The following BICDL1 variants were observed in gnomAD, a reference collection of about 807,000 sequenced individuals.
The protein encoded by BICDL1 is BICD family like cargo adaptor 1.
BICDL1 carries 20 observed loss-of-function variants against 76.8 expected under a neutral mutation model. That is an observed-to-expected ratio of 0.26 (90% CI 0.18 to 0.38). The LOEUF (loss-of-function observed/expected upper bound fraction) is 0.38, where lower values mean the gene tolerates loss of function less well. Among genes scored for constraint, BICDL1 ranks in the 10% least tolerant of loss-of-function variants. BICDL1 has a pLI of 1.00. For synonymous variants in BICDL1, 383 were observed against 337.1 expected (o/e 1.14, Z -1.49); for missense variants, 700 against 798.6 (o/e 0.88, Z 1.49).
At chr12:120,092,708 G>A (rs1379712066) in intron 9 of BICDL1, 1 of 985,324 alleles carries the variant, frequency 1.0e-6, no homozygotes, top group African/African-American at 1.7e-5. Flanking sequence ...GGAGACTGCA[G>A]GGAGAGACCA....
rs146143605 is a variant in BICDL1, at chr12:120,033,974, A to G, written c.646-27736A>G. ...TCCATATTGACAAGAAAAGTAATCT[A>G]TGGAGTGTTCAGGCATTGGCTTTTG... On this transcript the variant is annotated intron_variant, in intron 2 of 9. Coordinates refer to ENST00000548673, the MANE Select transcript of BICDL1 (RefSeq NM_001367886.1). Among the ~76,000 whole-genome samples the G allele has an allele frequency of 3.6e-3, 549 of 152,306 alleles. 2 individuals carry two copies. The highest frequency in any genetic ancestry group is 0.013 in the African/African-American group (520 of 41,560).
At chr12:120,080,698 T>G in intron 7 of BICDL1, 189 bp from the exon 8 acceptor site, 1 of 489,834 alleles carries the variant, frequency 2.0e-6, no homozygotes, top group Non-Finnish European at 3.6e-6. Context: ...AAGCCTAGCA[T>G]GTGATGTGGT....
At chr12:120,089,803 A>T in intron 8 of BICDL1, 148 bp from the exon 9 acceptor site, 2 of 907,540 alleles carry the variant, frequency 2.2e-6, no homozygotes, top group East Asian at 2.5e-5. Context: ...TCTGCAGGCA[A>T]CATCATAGTT....
At chr12:120,056,150 G>A (rs1422569982) in intron 2 of BICDL1, among the ~76,000 whole-genome samples, 2 of 152,268 alleles carry the variant, frequency 1.3e-5, no homozygotes, top group East Asian at 3.9e-4. Context: ...ACTAATACTA[G>A]GAGTAAGTAG....
intron 2 of BICDL1, among the ~76,000 whole-genome samples, chr12:120,003,072 C>G (rs551527491): frequency 6.6e-6 from 1 of 151,250 alleles, no homozygotes; most frequent in Non-Finnish European, 1.5e-5. Context: ...GCAGGAGAAT[C>G]GCTGGAACCT....
intron 2 of BICDL1, among the ~76,000 whole-genome samples, chr12:119,999,125 C>G (rs1425556961): frequency 2.0e-5 from 3 of 148,394 alleles, no homozygotes; most frequent in Non-Finnish European, 4.4e-5. Flanking sequence ...ATATAGATGA[C>G]AAGAGCAATT....
chr12:120,016,510 G>A lies in BICDL1; in HGVS notation c.645+17774G>A, dbSNP rs897111395. On this transcript the variant is annotated intron_variant, in intron 2 of 9. Transcript: ENST00000548673. ...GCTGGAGTACAGTGGCGTGATCATG[G>A]CTCACTACTCTGGTGATTCTCCCAC... Among the ~76,000 whole-genome samples, 6 of 148,284 alleles carry A rather than the reference G, an allele frequency of 4.0e-5. No homozygotes were observed. The South Asian group carries it at 8.6e-4, about 21-fold the overall frequency.
At chr12:120,059,843 G>T (rs1953065553) in intron 2 of BICDL1, among the ~76,000 whole-genome samples, 1 of 151,784 alleles carries the variant, frequency 6.6e-6, no homozygotes, top group African/African-American at 2.4e-5. Context: ...CTCCCAAGTA[G>T]CTGGGACTGC....
intron 1 of BICDL1, 44 bp downstream of exon 1, chr12:119,990,341 C>T (rs1282641620): frequency 6.5e-7 from 1 of 1,542,760 alleles, no homozygotes; most frequent in Non-Finnish European, 8.7e-7. Context: ...AGGGGCCGCC[C>T]AGGCACGCGC....
At chr12:120,046,470 C>A (rs994464456) in intron 2 of BICDL1, among the ~76,000 whole-genome samples, 1 of 152,218 alleles carries the variant, frequency 6.6e-6, no homozygotes, top group African/African-American at 2.4e-5. Flanking sequence ...GTTCCAAACA[C>A]TTTACATATA....
intron 2 of BICDL1, among the ~76,000 whole-genome samples, chr12:120,017,654 C>T (rs1177423604): frequency 1.3e-5 from 2 of 151,860 alleles, no homozygotes; most frequent in Non-Finnish European, 2.9e-5. Flanking sequence ...ATCACTTGAG[C>T]CCAGGAGTTC....
At position 120,080,877 on chromosome 12, in the gene BICDL1, C is replaced by T. The variant is rs780900212; in HGVS notation, c.1453-10C>T. 1 of 1,612,162 alleles carries T rather than the reference C, an allele frequency of 6.2e-7. No individual in the cohort carries two copies. The highest frequency in any genetic ancestry group is 8.5e-7 in the Non-Finnish European group (1 of 1,178,960). ...CAGCAGCAGTGATACCATATTCATT[C>T]TCCTGTTAGGTGACACTGCTGAGTG... is the stretch of plus-strand genomic sequence containing the variant. On this transcript the variant is annotated splice_polypyrimidine_tract_variant and intron_variant, in intron 7 of 9. Transcript: ENST00000548673.
At chr12:120,033,025 G>T (rs902383305) in intron 2 of BICDL1, among the ~76,000 whole-genome samples, 1 of 151,762 alleles carries the variant, frequency 6.6e-6, no homozygotes, top group Non-Finnish European at 1.5e-5. Context: ...GATTACAGGC[G>T]TGAGCCACCA....
intron 2 of BICDL1, among the ~76,000 whole-genome samples, chr12:120,014,705 C>T (rs1952025349): frequency 6.7e-6 from 1 of 149,694 alleles, no homozygotes; most frequent in African/African-American, 2.4e-5. Context: ...AAAAAAAAAG[C>T]AAACCATTCT....
At chr12:120,078,218 C>G (rs1438894135) in intron 7 of BICDL1, among the ~76,000 whole-genome samples, 1 of 152,178 alleles carries the variant, frequency 6.6e-6, no homozygotes, top group African/African-American at 2.4e-5. Flanking sequence ...CACAGTTACC[C>G]TGCTCACATC....
At chr12:120,023,240 A>G (rs1419853979) in intron 2 of BICDL1, among the ~76,000 whole-genome samples, 2 of 152,232 alleles carry the variant, frequency 1.3e-5, no homozygotes, top group Non-Finnish European at 2.9e-5. Flanking sequence ...AAAGATCTCA[A>G]TGTTTTAAGA....
chr12:120,012,908 C>T (rs1186649004), intron 2 of BICDL1, among the ~76,000 whole-genome samples: 1 of 152,176 alleles, frequency 6.6e-6, no homozygotes, highest in African/African-American at 2.4e-5. Flanking sequence ...ACCAGCACCC[C>T]ACCTCCCATA....
intron 2 of BICDL1, among the ~76,000 whole-genome samples, chr12:120,046,430 A>G (rs144103563): frequency 2.6e-4 from 39 of 152,362 alleles, no homozygotes; most frequent in Admixed American, 6.5e-4. Context: ...AACAGCTAAC[A>G]CACGTACTGC....
intron 2 of BICDL1, among the ~76,000 whole-genome samples, chr12:120,047,896 AC>A (rs1278687840): frequency 6.6e-6 from 1 of 152,158 alleles, no homozygotes; most frequent in Admixed American, 6.5e-5. Flanking sequence ...ATCTTCAGCT[AC>A]TTAAGAATGA....
Sources: allele counts gnomAD v4.1 joint callset (sites outside exome capture counted in the v4.1 genomes callset), GRCh38; gene constraint gnomAD v4.1.1; transcripts MANE v1.5; gene names NCBI Gene and HGNC (gene_info 2026-07-23, HGNC 2026-07-21).